Variants in ERICH2 observed in about 807,000 individuals in gnomAD.
ERICH2 encodes glutamate rich 2, also known as glutamate-rich protein 2.
A neutral mutation model predicts 17.4 loss-of-function variants in ERICH2; 17 were observed. The ratio of observed to expected loss-of-function variants is 0.98; its 90% CI spans 0.67 to 1.47. The LOEUF (loss-of-function observed/expected upper bound fraction) is 1.47. Among genes scored for constraint, ERICH2 ranks in the 40% most tolerant of loss-of-function variants. ERICH2 has a pLI of 0.00. For missense variants in ERICH2, 186 were observed against 183.2 expected, an observed-to-expected ratio of 1.01 and a Z score of -0.09; for synonymous variants, 51 against 61.1, an observed-to-expected ratio of 0.83 and a Z score of 0.77.
chr2:170,783,747 A>T, upstream of ERICH2: 1 of 1,529,336 alleles, frequency 6.5e-7, no homozygotes, highest in Non-Finnish European at 8.9e-7. Context: ...AATGTCCCTA[A>T]TTCCTCATTA....
the ERICH2 span, among the ~76,000 whole-genome samples, chr2:170,775,174 C>G: frequency 1.2e-4 from 18 of 151,826 alleles, no homozygotes; most frequent in African/African-American, 4.1e-4. Context: ...CGCCTGCAAT[C>G]CCAGCACTTT....
upstream of ERICH2, among the ~76,000 whole-genome samples, chr2:170,780,206 C>T (rs1435307401): frequency 1.3e-5 from 2 of 152,208 alleles, no homozygotes; most frequent in East Asian, 1.9e-4. Context: ...TTGTAGTTAA[C>T]AAAAACAGAT....
chr2:170,784,910 T>A, intron 2 of ERICH2, 77 bp downstream of exon 7: 1 of 1,176,240 alleles, frequency 8.5e-7, no homozygotes, highest in Non-Finnish European at 1.1e-6. Context: ...TTAAAATCAC[T>A]ACTGTGAGAA....
At chr2:170,779,917 C>A, upstream of ERICH2, 2 of 729,796 alleles carry the variant, frequency 2.7e-6, no homozygotes, top group Non-Finnish European at 3.4e-6. Flanking sequence ...TGTTTTTAGG[C>A]CCATGTTTGA....
chr2:170,777,904 C>T, the ERICH2 span: 1 of 386,978 alleles, frequency 2.6e-6, no homozygotes, highest in Non-Finnish European at 4.6e-6. Flanking sequence ...AGATAATATT[C>T]ACTTCTACTT....
At chr2:170,782,426 G>A (rs929981958), upstream of ERICH2, 13 of 951,230 alleles carry the variant, frequency 1.4e-5, no homozygotes, top group African/African-American at 1.6e-4. Context: ...ACTAACTATG[G>A]CTTCTAATTG....
chr2:170,783,785 T>G (rs922314042), upstream of ERICH2: 130 of 1,550,044 alleles, frequency 8.4e-5, no homozygotes, highest in Non-Finnish European at 1.1e-4. Context: ...ATCAGTGCAT[T>G]GAGTCAGTCT....
chr2:170,786,811 A>G (rs1324425349), intron 2 of ERICH2, among the ~76,000 whole-genome samples: 2 of 152,170 alleles, frequency 1.3e-5, no homozygotes, highest in East Asian at 1.9e-4. Context: ...TTCAGATACT[A>G]TAGTTATCAT....
At chr2:170,787,140 A>T (rs1701177918) in intron 2 of ERICH2, among the ~76,000 whole-genome samples, 1 of 151,992 alleles carries the variant, frequency 6.6e-6, no homozygotes, top group African/African-American at 2.4e-5. Context: ...CTACACCCTT[A>T]AACTCCTGGG....
rs1038552099 is a variant in ERICH2, at chr2:170,784,037, C to T, written c.28+171C>T. Among the ~76,000 whole-genome samples the T allele has an allele frequency of 8.5e-5, 13 of 152,252 alleles. 1 individual carries two copies. Among genetic ancestry groups the T allele is most frequent in the Middle Eastern group, 3.4e-3 (1 of 294 alleles). ...TCTTAACATTGTCTTCTATGAAGCT[C>T]TCCTAGATTTCCTCATTTTCTTCTT... On this transcript the variant is annotated intron_variant, in intron 1 of 4. Coordinates refer to ENST00000409885, the Ensembl canonical transcript of ERICH2.
the ERICH2 span, chr2:170,777,358 AT>A: frequency 1.9e-6 from 2 of 1,050,966 alleles, no homozygotes; most frequent in Non-Finnish European, 2.3e-6. Flanking sequence ...GCTAGTTTTT[AT>A]TTCTGCTTCT....
exon 2 of ERICH2, chr2:170,784,774 G>T: frequency 1.3e-6 from 2 of 1,543,158 alleles, no homozygotes; most frequent in Non-Finnish European, 1.7e-6. Flanking sequence ...TGATGAAGAT[G>T]ATGATGAAGA....
At chr2:170,772,424 A>T in the ERICH2 span, among the ~76,000 whole-genome samples, 1 of 152,170 alleles carries the variant, frequency 6.6e-6, no homozygotes, top group Non-Finnish European at 1.5e-5. Context: ...AACCTTTGCA[A>T]TTTAACTCTA....
intron 3 of ERICH2, among the ~76,000 whole-genome samples, chr2:170,796,553 G>A (rs111747991): frequency 5.3e-5 from 8 of 150,294 alleles, no homozygotes; most frequent in South Asian, 2.1e-4. Flanking sequence ...CTCCTGCCTC[G>A]GCCTCCGAAG....
the ERICH2 span, among the ~76,000 whole-genome samples, chr2:170,770,960 C>T: frequency 2.0e-5 from 3 of 147,766 alleles, no homozygotes; most frequent in Non-Finnish European, 4.5e-5. Flanking sequence ...CTCCGTGGTT[C>T]CCCGGGCTGC....
intron 3 of ERICH2, among the ~76,000 whole-genome samples, chr2:170,797,795 G>GAAAA (rs767126097): frequency 7.1e-6 from 1 of 141,804 alleles, no homozygotes. Flanking sequence ...CTGTCTCAGG[G>GAAAA]AAAAAAAAAA....
the ERICH2 span, chr2:170,777,989 G>C: frequency 0.27 from 73,012 of 275,462 alleles, 10,414 homozygotes; most frequent in South Asian, 0.36. Context: ...ATTTCCCTTT[G>C]ATACTTATTT....
upstream of ERICH2, among the ~76,000 whole-genome samples, chr2:170,780,754 A>G (rs1701007738): frequency 6.6e-6 from 1 of 152,250 alleles, no homozygotes; most frequent in Admixed American, 6.5e-5. Context: ...ATGTCTTATA[A>G]TAAACATTGT....
chr2:170,798,655 A>C (rs762114443), intron 4 of ERICH2, 115 bp from the exon 10 acceptor site: 12 of 1,297,872 alleles, frequency 9.2e-6, no homozygotes, highest in Non-Finnish European at 1.3e-5. Flanking sequence ...AGTCCAACTC[A>C]GTTCTTATGT....
Sources: allele counts gnomAD v4.1 joint callset (sites outside exome capture counted in the v4.1 genomes callset), GRCh38; gene constraint gnomAD v4.1.1; transcripts MANE v1.5; gene names NCBI Gene and HGNC (gene_info 2026-07-23, HGNC 2026-07-21).